Variants in DGKB observed in about 807,000 individuals in gnomAD.
DGKB encodes the protein 90 kDa diacylglycerol kinase.
A neutral mutation model predicts 114.3 loss-of-function variants in DGKB; 67 were observed. That is an observed-to-expected ratio of 0.59 (90% CI 0.48 to 0.72). The LOEUF is 0.72. DGKB is among the 30% of genes least tolerant of loss of function. The pLI, the probability that DGKB is intolerant of heterozygous loss-of-function variation, is 0.00. For missense variants in DGKB, 907 were observed against 975.2 expected, an observed-to-expected ratio of 0.93 and a Z score of 0.93; for synonymous variants, 398 against 323.1, an observed-to-expected ratio of 1.23 and a Z score of -2.49.
intron 23 of DGKB, among the ~76,000 whole-genome samples, chr7:14,208,358 C>T (rs1040668385): frequency 5.3e-5 from 8 of 151,892 alleles, no homozygotes; most frequent in Non-Finnish European, 8.8e-5. Context: ...ATTAGAAGGC[C>T]TTAAAAACTT....
intron 2 of DGKB, among the ~76,000 whole-genome samples, chr7:14,796,703 G>T (rs932533976): frequency 1.4e-4 from 18 of 132,940 alleles, no homozygotes; most frequent in Admixed American, 1.0e-3. Flanking sequence ...AAAAAAAAAA[G>T]TATTTGCTTA....
chr7:14,777,117 T>C (rs1315724044), intron 2 of DGKB, among the ~76,000 whole-genome samples: 1 of 152,174 alleles, frequency 6.6e-6, no homozygotes, highest in Non-Finnish European at 1.5e-5. Flanking sequence ...CTCCTTTGTT[T>C]TGGCCAATTT....
chr7:14,490,584 G>C (rs928180742), intron 20 of DGKB, among the ~76,000 whole-genome samples: 1 of 152,094 alleles, frequency 6.6e-6, no homozygotes, highest in Non-Finnish European at 1.5e-5. Flanking sequence ...ATTCCTGAAA[G>C]TTGAAAAGGG....
intron 20 of DGKB, among the ~76,000 whole-genome samples, chr7:14,567,241 ATATATATTATATATT>A (rs1797587831): frequency 1.7e-5 from 1 of 59,640 alleles, no homozygotes; most frequent in Non-Finnish European, 2.8e-5. Context: ...TAATTATATT[ATATATATTATATATT>A]TATATATTAT....
At chr7:14,242,109 T>G (rs904899603) in intron 23 of DGKB, among the ~76,000 whole-genome samples, 2 of 152,194 alleles carry the variant, frequency 1.3e-5, no homozygotes, top group Admixed American at 1.3e-4. Flanking sequence ...GCCTGAAGAA[T>G]GCAGAAACCT....
At chr7:14,738,114 A>G (rs777773193) in intron 4 of DGKB, among the ~76,000 whole-genome samples, 2 of 152,208 alleles carry the variant, frequency 1.3e-5, no homozygotes, top group Non-Finnish European at 2.9e-5. Flanking sequence ...AGGAACACCT[A>G]CTCTTACTAA....
intron 4 of DGKB, among the ~76,000 whole-genome samples, chr7:14,739,634 T>C (rs1170860062): frequency 1.3e-5 from 2 of 152,160 alleles, no homozygotes; most frequent in South Asian, 2.1e-4. Context: ...ATGGCCTATA[T>C]GGGGATATGA....
chr7:14,761,303 C>G (rs1020246764), intron 2 of DGKB, among the ~76,000 whole-genome samples: 1 of 152,134 alleles, frequency 6.6e-6, no homozygotes, highest in Non-Finnish European at 1.5e-5. Flanking sequence ...ATATCCATAA[C>G]CTTTCAACAG....
At chr7:14,890,453 T>A (rs1015101642) in intron 1 of DGKB, among the ~76,000 whole-genome samples, 4 of 151,458 alleles carry the variant, frequency 2.6e-5, no homozygotes, top group Admixed American at 1.3e-4. Flanking sequence ...AGATAATATT[T>A]ACTTCCATGG....
At chr7:14,629,267 C>T (rs1202409810) in intron 14 of DGKB, among the ~76,000 whole-genome samples, 1 of 151,932 alleles carries the variant, frequency 6.6e-6, no homozygotes, top group East Asian at 1.9e-4. Context: ...CACCAACTCA[C>T]TTAAAGAATA....
At chr7:14,190,631 G>A (rs1007976769) in intron 23 of DGKB, among the ~76,000 whole-genome samples, 1 of 151,510 alleles carries the variant, frequency 6.6e-6, no homozygotes, top group Non-Finnish European at 1.5e-5. Flanking sequence ...AAATGATAAA[G>A]GAAAATCAAT....
chr7:14,778,741 T>C (rs934559472), intron 2 of DGKB, among the ~76,000 whole-genome samples: 3 of 152,256 alleles, frequency 2.0e-5, no homozygotes, highest in African/African-American at 7.2e-5. Flanking sequence ...TTGACCCTTA[T>C]AGATAACCAA....
intron 21 of DGKB, among the ~76,000 whole-genome samples, chr7:14,376,205 G>C (rs886891258): frequency 6.6e-6 from 1 of 152,136 alleles, no homozygotes; most frequent in African/African-American, 2.4e-5. Flanking sequence ...AGTTTGACCT[G>C]GCCCGAGGCA....
At chr7:14,758,908 G>C (rs897568794) in intron 2 of DGKB, among the ~76,000 whole-genome samples, 1 of 148,086 alleles carries the variant, frequency 6.8e-6, no homozygotes, top group Non-Finnish European at 1.5e-5. Context: ...TAGATAGATA[G>C]ATAGATAGAT....
At chr7:14,628,994 C>G (rs1358494293) in intron 14 of DGKB, among the ~76,000 whole-genome samples, 2 of 151,910 alleles carry the variant, frequency 1.3e-5, no homozygotes, top group Non-Finnish European at 2.9e-5. Flanking sequence ...ATCTATATGA[C>G]ACAAATTATA....
intron 13 of DGKB, among the ~76,000 whole-genome samples, chr7:14,651,397 C>A (rs1310016423): frequency 2.0e-5 from 3 of 148,246 alleles, no homozygotes; most frequent in Non-Finnish European, 4.5e-5. Context: ...AAGACAAAAA[C>A]CACATGAATA....
At chr7:14,389,754 TA>T (rs1821036766) in intron 21 of DGKB, among the ~76,000 whole-genome samples, 1 of 152,192 alleles carries the variant, frequency 6.6e-6, no homozygotes, top group South Asian at 2.1e-4. Context: ...GCCTAGAAAG[TA>T]AATCAATATT....
intron 2 of DGKB, among the ~76,000 whole-genome samples, chr7:14,803,982 A>G (rs1469985887): frequency 6.6e-6 from 1 of 152,084 alleles, no homozygotes; most frequent in Non-Finnish European, 1.5e-5. Flanking sequence ...CTTTTGAAAC[A>G]TAAAGAAATT....
At chr7:14,439,357 C>A (rs1379849849) in intron 21 of DGKB, among the ~76,000 whole-genome samples, 1 of 152,106 alleles carries the variant, frequency 6.6e-6, no homozygotes, top group Middle Eastern at 3.4e-3. Flanking sequence ...AAAGTCTTTG[C>A]TTGAATAACG....
Sources: gnomAD v4.1 joint callset for allele counts (sites outside exome capture counted in the v4.1 genomes callset) on GRCh38, gnomAD v4.1.1 for gene constraint, MANE v1.5 for transcripts, NCBI Gene and HGNC (gene_info 2026-07-23, HGNC 2026-07-21) for gene names.